The following MIER1 variants were observed in gnomAD, a reference collection of about 807,000 sequenced individuals.
MIER1 encodes mesoderm induction early response protein 1.
In MIER1, 40 loss-of-function variants were observed where a neutral mutation model predicts 75.7. That is an observed-to-expected ratio of 0.53 (90% CI 0.41 to 0.69). The LOEUF is 0.69. Among genes scored for constraint, MIER1 ranks in the 30% least tolerant of loss-of-function variants. The pLI, the probability that MIER1 is intolerant of heterozygous loss-of-function variation, is 0.00. For missense variants in MIER1, 574 were observed against 680.2 expected, an observed-to-expected ratio of 0.84 and a Z score of 1.74; for synonymous variants, 213 against 223.4, an observed-to-expected ratio of 0.95 and a Z score of 0.42.
chr1:66,926,297 T>C (rs924974996), intron 2 of MIER1, 55 bp downstream of exon 2: 31 of 1,294,956 alleles, frequency 2.4e-5, no homozygotes, highest in Non-Finnish European at 3.1e-5. Flanking sequence ...CTCCCTCAAG[T>C]AATATAAGAT....
intron 3 of MIER1, among the ~76,000 whole-genome samples, chr1:66,945,788 G>C (rs573529393): frequency 1.3e-5 from 2 of 152,274 alleles, no homozygotes; most frequent in South Asian, 4.1e-4. Flanking sequence ...GGCCCTAGGA[G>C]GTCGAGGCTG....
At chr1:66,942,875 TAAC>T (rs557499632) in intron 3 of MIER1, among the ~76,000 whole-genome samples, 180 of 152,188 alleles carry the variant, frequency 1.2e-3, no homozygotes, top group African/African-American at 3.9e-3. Flanking sequence ...GCTTTGCAAA[TAAC>T]AAAAAATGGA....
chr1:66,973,000 T>A lies in MIER1; in HGVS notation c.1101+9T>A, dbSNP rs757608959. 6.6e-7 allele frequency: 1 copy of A among 1,507,828 alleles called. No individual in the cohort carries two copies. Among genetic ancestry groups the A allele is most frequent in the Non-Finnish European group, 9.2e-7 (1 of 1,087,008 alleles). The allele number at this position is 1,507,828 out of a possible 1,614,324, so 93.4% of individuals were successfully genotyped here. On this transcript the variant is annotated intron_variant, in intron 11 of 13. Coordinates refer to ENST00000401041, the MANE Select transcript of MIER1 (RefSeq NM_001077700.3). ...TGATTCAGGCTAATAAAGTAAGTAATGATAATCTCTTTTTTGCAAAAAGAA... is the reference window on the plus strand; with the variant it reads ...TGATTCAGGCTAATAAAGTAAGTAAAGATAATCTCTTTTTTGCAAAAAGAA...
chr1:66,964,049 T>A (rs1242648463), intron 8 of MIER1, among the ~76,000 whole-genome samples: 1 of 152,072 alleles, frequency 6.6e-6, no homozygotes, highest in Non-Finnish European at 1.5e-5. Context: ...AAGTCATACT[T>A]CCAATAACAT....
At chr1:66,930,849 A>AG (rs1653101603) in intron 2 of MIER1, among the ~76,000 whole-genome samples, 1 of 152,062 alleles carries the variant, frequency 6.6e-6, no homozygotes, top group East Asian at 1.9e-4. Context: ...TAGTGGGGAA[A>AG]ACGTAAGGCT....
At chr1:66,939,998 C>T (rs770355542) in intron 2 of MIER1, 30 bp from the exon 3 acceptor site, 10 of 1,570,650 alleles carry the variant, frequency 6.4e-6, no homozygotes, top group Non-Finnish European at 7.9e-6. Context: ...TACAGAAATA[C>T]TAATTTTTCC....
intron 12 of MIER1, among the ~76,000 whole-genome samples, chr1:66,978,234 G>C (rs1353424769): frequency 6.6e-6 from 1 of 150,554 alleles, no homozygotes; most frequent in African/African-American, 2.4e-5. Context: ...ATGTTTATTT[G>C]ATCTTGCTCT....
At position 66,986,057 on chromosome 1, in the gene MIER1, A is replaced by AG. The variant is rs1204175269; in HGVS notation, c.*1163dup. 15 of 1,014,360 alleles carry AG rather than the reference A, an allele frequency of 1.5e-5. No homozygotes were observed. Among genetic ancestry groups the AG allele is most frequent in the African/African-American group, 8.6e-5 (5 of 57,980 alleles). The allele number at this position is 1,014,360 out of a possible 1,614,324, so 62.8% of individuals were successfully genotyped here. ...CATTTCTGCATTAAATAAACAGAGG[A>AG]GGGGGGTCAAGTGATACTTAGATAT... is the stretch of plus-strand genomic sequence containing the variant. On this transcript the variant is annotated 3_prime_UTR_variant, in exon 14 of 14. Transcript: ENST00000401041.
intron 3 of MIER1, among the ~76,000 whole-genome samples, chr1:66,945,337 A>G (rs1657361218): frequency 6.9e-6 from 1 of 144,324 alleles, no homozygotes; most frequent in East Asian, 2.0e-4. Context: ...ATATAGGTAA[A>G]TGCTATGTAA....
intron 2 of MIER1, among the ~76,000 whole-genome samples, chr1:66,929,456 T>G (rs1200376771): frequency 1.3e-5 from 2 of 152,256 alleles, no homozygotes; most frequent in African/African-American, 4.8e-5. Context: ...AATCATTGGT[T>G]CTGGCCATCA....
Position 66,940,055 on chromosome 1 carries a change from A to G in MIER1, c.193+3A>G, listed in dbSNP as rs368164437. 1 of 1,602,464 alleles carries G rather than the reference A, an allele frequency of 6.2e-7. No individual in the cohort carries two copies. The highest frequency in any genetic ancestry group is 8.5e-7 in the Non-Finnish European group (1 of 1,170,590). On this transcript the variant is annotated splice_donor_region_variant and intron_variant, in intron 3 of 13. Transcript: ENST00000401041. ...ATCTGTTGAATCTTCAAGTCCAGGT[A>G]AGTATTTTCCATATTTTTTATAATC...
chr1:66,956,288 G>T (rs917285822), intron 4 of MIER1, among the ~76,000 whole-genome samples: 2 of 152,144 alleles, frequency 1.3e-5, no homozygotes, highest in Non-Finnish European at 2.9e-5. Context: ...AGGCATGGTG[G>T]TGCACATGTA....
chr1:66,931,065 A>G (rs1235983270), intron 2 of MIER1, among the ~76,000 whole-genome samples: 2 of 32,848 alleles, frequency 6.1e-5, no homozygotes, highest in African/African-American at 2.6e-4. Flanking sequence ...GCTTCCCCCC[A>G]CCCCCTTTCC....
At chr1:66,933,369 A>T (rs973436274) in intron 2 of MIER1, among the ~76,000 whole-genome samples, 2 of 152,304 alleles carry the variant, frequency 1.3e-5, no homozygotes, top group South Asian at 2.1e-4. Flanking sequence ...ATCCATGGAC[A>T]ATTCAAGACC....
intron 8 of MIER1, among the ~76,000 whole-genome samples, chr1:66,969,422 G>A (rs1663107987): frequency 1.3e-5 from 2 of 151,824 alleles, no homozygotes; most frequent in African/African-American, 2.4e-5. Flanking sequence ...GCACATGCCT[G>A]TAGTCCCAGC....
At chr1:66,976,785 T>G (rs904762663) in intron 12 of MIER1, 63 bp downstream of exon 12, 1 of 1,321,906 alleles carries the variant, frequency 7.6e-7, no homozygotes, top group East Asian at 2.5e-5. Flanking sequence ...TAGATTTTTC[T>G]TGAGTTAATT....
In MIER1 at chr1:66,971,618, A is replaced by G. The variant is rs776631845; in HGVS notation, c.925-37A>G. The G allele has an allele frequency of 1.6e-5, 17 of 1,031,312 alleles. No homozygotes were observed. In the Admixed American group the frequency reaches 3.5e-4, roughly 21 times the overall value. 63.9% of individuals were successfully genotyped at this position (1,031,312 alleles called of 1,614,324 possible). A position where few individuals can be genotyped will look rare whatever the true frequency, so the allele number is the denominator to read the frequency against. Reference sequence around the variant, plus strand: ...GAAATTGTAGCATTGAACTGTTTATAGTCCTTGTCACATATTCAAGCCTTT... The same window carrying G: ...GAAATTGTAGCATTGAACTGTTTATGGTCCTTGTCACATATTCAAGCCTTT... On this transcript the variant is annotated intron_variant, in intron 9 of 13. Transcript: ENST00000401041.
chr1:66,959,045 A>G (rs1660722366), intron 6 of MIER1, 62 bp downstream of exon 6: 1 of 1,407,002 alleles, frequency 7.1e-7, no homozygotes, highest in Non-Finnish European at 9.9e-7. Context: ...ATTACCTAAA[A>G]TCCTCTTTTT....
chr1:66,963,317 G>C (rs1661632838), intron 8 of MIER1, among the ~76,000 whole-genome samples, 157 bp downstream of exon 8: 1 of 152,160 alleles, frequency 6.6e-6, no homozygotes, highest in Non-Finnish European at 1.5e-5. Flanking sequence ...ATTTCTGTGA[G>C]AAGAATGTGT....
Sources: allele counts gnomAD v4.1 joint callset (sites outside exome capture counted in the v4.1 genomes callset), GRCh38; gene constraint gnomAD v4.1.1; transcripts MANE v1.5; gene names NCBI Gene and HGNC (gene_info 2026-07-23, HGNC 2026-07-21).